The following HLA-DQB1 variants were observed in gnomAD, a reference collection of about 807,000 sequenced individuals.
HLA-DQB1 encodes the protein HLA class II histocompatibility antigen, DQ beta 1 chain.
Under a neutral mutation model 26.4 loss-of-function variants are expected in HLA-DQB1, and 13 were observed. The observed-to-expected ratio is 0.49, with a 90% CI of 0.32 to 0.78. The LOEUF is 0.78. HLA-DQB1 is among the 30% of genes least tolerant of loss of function. HLA-DQB1 has a pLI of 0.03. For missense variants in HLA-DQB1, 158 were observed against 326.2 expected, an observed-to-expected ratio of 0.48 and a Z score of 3.97; for synonymous variants, 60 against 129.1, an observed-to-expected ratio of 0.46 and a Z score of 3.63.
At chr6:32,666,151 G>A (rs9274497) in intron 1 of HLA-DQB1, among the ~76,000 whole-genome samples, 26,307 of 144,298 alleles carry the variant, frequency 0.18, 2,710 homozygotes, top group Middle Eastern at 0.22. Context: ...CAGTCTTGGG[G>A]CACGCCTAAA....
intron 2 of HLA-DQB1, 31 bp from the exon 3 acceptor site, chr6:32,662,279 A>C (rs281864080): frequency 4.0e-6 from 4 of 987,854 alleles, no homozygotes; most frequent in Non-Finnish European, 5.4e-6. Context: ...GAAAAGACAT[A>C]GGAGTGAGAT....
At chr6:32,665,530 G>C (rs28746818) in intron 1 of HLA-DQB1, among the ~76,000 whole-genome samples, 2,113 of 115,074 alleles carry the variant, frequency 0.018, 262 homozygotes, top group Admixed American at 0.039. Context: ...CTTGGTCCCT[G>C]GGTAAAATAC....
chr6:32,664,813 TC>T lies in HLA-DQB1; in HGVS notation c.363del (p.Ile122SerfsTer10). 9.3e-7 allele frequency: 1 copy of T among 1,078,900 alleles called. No homozygotes were observed. Among genetic ancestry groups the T allele is most frequent in the Non-Finnish European group, 1.3e-6 (1 of 755,994 alleles). 66.8% of individuals were successfully genotyped at this position (1,078,900 alleles called of 1,614,324 possible). A position where few individuals can be genotyped will look rare whatever the true frequency, so the allele number is the denominator to read the frequency against. The stretch of plus-strand genomic sequence containing the variant: ...CGACGCTCACCTCTCCTCTGCAAGA[TC>T]CCGCGGAACGCCACCTCGTAGTTGT... On this transcript the variant is annotated frameshift_variant, in exon 2 of 5. Transcript: ENST00000434651. LOFTEE classifies it high-confidence loss of function.
At position 32,660,073 on chromosome 6, in the gene HLA-DQB1, T is replaced by G. The variant is rs3210176; in HGVS notation, c.*163A>C. 2.5e-5 allele frequency: 9 copies of G among 362,658 alleles called. 2 individuals carry two copies. The highest frequency in any genetic ancestry group is 3.5e-5 in the Non-Finnish European group (7 of 197,784). 22.5% of individuals were successfully genotyped at this position (362,658 alleles called of 1,614,324 possible). A position where few individuals can be genotyped will look rare whatever the true frequency, so the allele number is the denominator to read the frequency against. ...GGAAGCAGAGTCACAGCCAGCGCCT[T>G]GGGGTGGGGATGAAAGGAGATGACC... On this transcript the variant is annotated 3_prime_UTR_variant, in exon 5 of 5. Transcript: ENST00000434651.
chr6:32,666,653 C>T (rs766611168), exon 1 of HLA-DQB1: 9 of 712,490 alleles, frequency 1.3e-5, no homozygotes, highest in Non-Finnish European at 1.7e-5. Context: ...CAGCTCGGAC[C>T]TGATGGATCT....
At chr6:32,665,714 T>A (rs9274466) in intron 1 of HLA-DQB1, among the ~76,000 whole-genome samples, 21,193 of 114,266 alleles carry the variant, frequency 0.19, 3,091 homozygotes, top group East Asian at 0.35. Context: ...GTCACCAGTT[T>A]GGGCAGGTTA....
chr6:32,663,168 C>CT (rs1783355461), intron 2 of HLA-DQB1: 1 of 133,252 alleles, frequency 7.5e-6, no homozygotes, highest in African/African-American at 2.7e-5. Flanking sequence ...AGCTATGTGG[C>CT]CTTATAAGAT....
intron 2 of HLA-DQB1, chr6:32,663,613 G>GTGACCATCTCCCCATCC (rs1260860245): frequency 1.4e-5 from 2 of 146,908 alleles, no homozygotes; most frequent in Non-Finnish European, 3.0e-5. Context: ...CCAATATTAG[G>GTGACCATCTCCCCATCC]ATATATAAAG....
At chr6:32,661,564 C>A (rs9273721) in intron 3 of HLA-DQB1, 107 bp from the exon 4 acceptor site, 97,933 of 679,514 alleles carry the variant, frequency 0.14, 18,516 homozygotes, top group Middle Eastern at 0.25. Context: ...ATCAAAGGAA[C>A]CTAGTTCTCC....
intron 2 of HLA-DQB1, chr6:32,663,452 C>A (rs281875036): frequency 1.3e-5 from 1 of 79,682 alleles, no homozygotes; most frequent in African/African-American, 4.0e-5. Flanking sequence ...AGACTCATTG[C>A]TGCTTCTGGT....
Position 32,662,312 on chromosome 6 carries a change from C to T in HLA-DQB1, c.380-64G>A, listed in dbSNP as rs9274059. 2.7e-6 allele frequency: 2 copies of T among 750,178 alleles called. 1 individual carries two copies. Among genetic ancestry groups the T allele is most frequent in the Non-Finnish European group, 3.7e-6 (2 of 545,178 alleles). The allele number at this position is 750,178 out of a possible 1,614,324, so 46.5% of individuals were successfully genotyped here. A position where few individuals can be genotyped will look rare whatever the true frequency, so the allele number is the denominator to read the frequency against. On this transcript the variant is annotated intron_variant, in intron 2 of 4. Transcript: ENST00000434651. The stretch of plus-strand genomic sequence containing the variant: ...GATGTGAGAACACACACCACGTCTA[C>T]CATGAGGAAGGATCCCTCCTTGGAC...
At chr6:32,662,094 G>T (rs9273972) in exon 3 of HLA-DQB1, 2 of 1,520,788 alleles carry the variant, frequency 1.3e-6, no homozygotes, top group Non-Finnish European at 1.8e-6. Context: ...TCCTAATAAG[G>T]GGGGTGGACA....
At chr6:32,662,972 G>A (rs1278767859) in intron 2 of HLA-DQB1, 2 of 135,364 alleles carry the variant, frequency 1.5e-5, no homozygotes, top group Non-Finnish European at 3.3e-5. Context: ...TCCGTGCAGA[G>A]GTCGGCCTGG....
chr6:32,660,215 T>G (rs1063343), exon 5 of HLA-DQB1: 1 of 873,918 alleles, frequency 1.1e-6, no homozygotes. Context: ...TAACCAATCC[T>G]AGTTAAAATA....
Position 32,666,550 on chromosome 6 carries a change from A to G in HLA-DQB1, c.58T>C (p.Leu20=). ...AGGGAGCTCAGCATCGCCAGCATCA[A>G]GGTGACAGTTGCTACCCGAAGGTCT... The change falls in exon 1 of 5, where the codon TTG becomes CTG. Residue 20 remains leucine (L), a synonymous_variant. Coordinates refer to ENST00000434651, the Ensembl canonical transcript of HLA-DQB1. 5.0e-6 allele frequency: 6 copies of G among 1,200,052 alleles called. 2 individuals carry two copies. The highest frequency in any genetic ancestry group is 7.2e-6 in the Non-Finnish European group (6 of 833,026). 74.3% of individuals were successfully genotyped at this position (1,200,052 alleles called of 1,614,324 possible).
intron 2 of HLA-DQB1, 46 bp from the exon 3 acceptor site, chr6:32,662,294 G>A (rs281864066): frequency 1.1e-6 from 1 of 904,036 alleles, no homozygotes. Flanking sequence ...TGAGATGTGA[G>A]AACACACACC....
At chr6:32,664,940 G>A (rs1049073) in exon 2 of HLA-DQB1, 313,097 of 1,269,614 alleles carry the variant, frequency 0.25, 72,044 homozygotes, top group East Asian at 0.57. Flanking sequence ...TCACCGCGCG[G>A]TACACCCCCA....
At chr6:32,665,193 C>T in intron 1 of HLA-DQB1, 126 bp from the exon 2 acceptor site, 1 of 552,112 alleles carries the variant, frequency 1.8e-6, no homozygotes, top group East Asian at 4.1e-5. Context: ...CCGTGCCTGG[C>T]GCTCCAGACC....
chr6:32,660,373 T>A, intron 4 of HLA-DQB1, 124 bp from the exon 5 acceptor site: 1 of 481,056 alleles, frequency 2.1e-6, no homozygotes, highest in Non-Finnish European at 3.7e-6. Flanking sequence ...TGTATTGTCA[T>A]CACCTCCCCC....
Sources: gnomAD v4.1 joint callset for allele counts (sites outside exome capture counted in the v4.1 genomes callset) on GRCh38, gnomAD v4.1.1 for gene constraint, MANE v1.5 for transcripts, NCBI Gene and HGNC (gene_info 2026-07-23, HGNC 2026-07-21) for gene names.